SLC39A12: variants seen among roughly 807,000 people sequenced by gnomAD.
SLC39A12 encodes zinc transporter ZIP12.
A neutral mutation model predicts 71.1 loss-of-function variants in SLC39A12; 63 were observed. The observed-to-expected ratio is 0.89, with a 90% confidence interval of 0.72 to 1.09. The LOEUF (loss-of-function observed/expected upper bound fraction) is 1.09, where lower values mean the gene tolerates loss of function less well. Ranked by LOEUF, SLC39A12 falls within the 50% of genes least tolerant of loss-of-function variation. SLC39A12 has a pLI of 0.00. For synonymous variants in SLC39A12, 351 were observed against 301.3 expected (o/e 1.16, Z -1.71); for missense variants, 892 against 812.6 (o/e 1.10, Z -1.19).
chr10:18,036,771 TATATATATATATATATATA>T (rs1266489755), intron 12 of SLC39A12, among the ~76,000 whole-genome samples: 11,189 of 46,946 alleles, frequency 0.24, 1,278 homozygotes, highest in Admixed American at 0.28. Flanking sequence ...TATATATATA[TATATATATATATATATATA>T]TATATTTTTT....
chr10:18,010,832 A>G (rs1370588209), intron 12 of SLC39A12, among the ~76,000 whole-genome samples: 1 of 152,166 alleles, frequency 6.6e-6, no homozygotes, highest in Non-Finnish European at 1.5e-5. Flanking sequence ...ACTTATACTC[A>G]GATTTTCTTC....
intron 4 of SLC39A12, among the ~76,000 whole-genome samples, chr10:17,974,556 C>T (rs1835056068): frequency 6.6e-6 from 1 of 152,210 alleles, no homozygotes; most frequent in Non-Finnish European, 1.5e-5. Flanking sequence ...GGACAAGATC[C>T]TGGAGAATTC....
At chr10:17,984,920 A>T (rs183139845) in intron 6 of SLC39A12, among the ~76,000 whole-genome samples, 6 of 152,320 alleles carry the variant, frequency 3.9e-5, no homozygotes, top group African/African-American at 1.4e-4. Context: ...GATGCTTAAA[A>T]GTTTTTTGCC....
intron 4 of SLC39A12, among the ~76,000 whole-genome samples, chr10:17,972,577 C>T (rs1835002858): frequency 6.6e-6 from 1 of 152,138 alleles, no homozygotes; most frequent in African/African-American, 2.4e-5. Context: ...ACACTTTTAT[C>T]ATTATATAGT....
chr10:18,000,060 C>T (rs1424253178), intron 10 of SLC39A12, among the ~76,000 whole-genome samples: 1 of 152,174 alleles, frequency 6.6e-6, no homozygotes, highest in Admixed American at 6.5e-5. Context: ...AGTTCTTTCT[C>T]ATGGTCCTGG....
intron 4 of SLC39A12, 27 bp downstream of exon 4, chr10:17,965,717 T>A (rs1434732261): frequency 9.6e-6 from 15 of 1,569,426 alleles, no homozygotes; most frequent in Non-Finnish European, 1.3e-5. Context: ...GAATTTAACT[T>A]CCAAGTCACA....
At chr10:17,964,668 G>A (rs1475688958) in intron 3 of SLC39A12, among the ~76,000 whole-genome samples, 1 of 152,164 alleles carries the variant, frequency 6.6e-6, no homozygotes, top group Non-Finnish European at 1.5e-5. Context: ...AAAGAACATG[G>A]ACAGTGTACC....
Position 18,035,161 on chromosome 10 carries a change from G to A in SLC39A12, c.1948-7544G>A, listed in dbSNP as rs1318351125. ...TCTTCTCGAGGAGTATCTTTGTGGC[G>A]TTCTCTGTGTTTCCTGAATCTGAAT... is the stretch of plus-strand genomic sequence containing the variant. On this transcript the variant is annotated intron_variant, in intron 12 of 12. Coordinates refer to ENST00000377369, the MANE Select transcript of SLC39A12 (RefSeq NM_001145195.2). Among the ~76,000 whole-genome samples the A allele has an allele frequency of 1.3e-4, 20 of 148,806 alleles. No individual in the cohort carries two copies. In the East Asian group the frequency reaches 1.6e-3, roughly 12 times the overall value.
At chr10:17,977,868 CTA>C (rs771384101) in intron 4 of SLC39A12, 32 bp from the exon 5 acceptor site, 4 of 1,518,934 alleles carry the variant, frequency 2.6e-6, no homozygotes, top group Admixed American at 2.1e-5. Flanking sequence ...CTTATCTATT[CTA>C]TGTGACACCA....
chr10:17,990,809 C>A lies in SLC39A12; in HGVS notation c.1270-342C>A, dbSNP rs998797372. The stretch of plus-strand genomic sequence containing the variant: ...TGTACAAACAGATGCAGATTGGACT[C>A]CTGAAAAACAATTTGGCCGAAGGAC... On this transcript the variant is annotated intron_variant, in intron 7 of 12. Coordinates refer to ENST00000377369, the MANE Select transcript of SLC39A12 (RefSeq NM_001145195.2). Among the ~76,000 whole-genome samples, 3 of 152,242 alleles carry A rather than the reference C, an allele frequency of 2.0e-5. No homozygotes were observed. The South Asian group carries it at 6.2e-4, about 32-fold the overall frequency.
In SLC39A12 at chr10:18,017,334, A is replaced by T. The variant is rs568518990; in HGVS notation, c.1947+13976A>T. On this transcript the variant is annotated intron_variant, in intron 12 of 12. Coordinates refer to ENST00000377369, the MANE Select transcript of SLC39A12 (RefSeq NM_001145195.2). ...AATTAATTTTTTCTTTTTGAGACAGAGTCTCACTTTGTCACCCAGGCTGGG... is the reference window on the plus strand; with the variant it reads ...AATTAATTTTTTCTTTTTGAGACAGTGTCTCACTTTGTCACCCAGGCTGGG... 2.0e-5 allele frequency among the ~76,000 whole-genome samples: 3 copies of T among 152,102 alleles called. 1 individual carries two copies. The South Asian group carries it at 6.2e-4, about 32-fold the overall frequency.
intron 7 of SLC39A12, among the ~76,000 whole-genome samples, chr10:17,989,137 C>G (rs1349835078): frequency 1.3e-5 from 2 of 152,148 alleles, no homozygotes; most frequent in African/African-American, 4.8e-5. Context: ...ATGAGGTGTT[C>G]TCTTCCCTCT....
At chr10:18,017,955 A>G (rs543093517) in intron 12 of SLC39A12, among the ~76,000 whole-genome samples, 1 of 152,182 alleles carries the variant, frequency 6.6e-6, no homozygotes, top group Non-Finnish European at 1.5e-5. Flanking sequence ...ATTGAATTGA[A>G]TCTATACATC....
At chr10:18,013,560 T>C (rs76142299) in intron 12 of SLC39A12, among the ~76,000 whole-genome samples, 1 of 152,102 alleles carries the variant, frequency 6.6e-6, no homozygotes, top group East Asian at 1.9e-4. Context: ...TTTGTACATA[T>C]GGCATGTCAC....
At position 17,984,045 on chromosome 10, in the gene SLC39A12, C is replaced by T. The variant is rs569319617; in HGVS notation, c.1096+2562C>T. Among the ~76,000 whole-genome samples, 4 of 152,284 alleles carry T rather than the reference C, an allele frequency of 2.6e-5. No homozygotes were observed. The East Asian group carries it at 5.8e-4, about 22-fold the overall frequency. On this transcript the variant is annotated intron_variant, in intron 6 of 12. Coordinates refer to ENST00000377369, the MANE Select transcript of SLC39A12 (RefSeq NM_001145195.2). ...GCCATGTACAAATTAAGTTTCAGACCTATTCAGAGTAGCTGCTCAGAAGTG... is the reference window on the plus strand; with the variant it reads ...GCCATGTACAAATTAAGTTTCAGACTTATTCAGAGTAGCTGCTCAGAAGTG...
intron 12 of SLC39A12, among the ~76,000 whole-genome samples, chr10:18,025,478 G>A (rs546839116): frequency 5.1e-4 from 78 of 152,122 alleles, no homozygotes; most frequent in Non-Finnish European, 1.0e-3. Flanking sequence ...GTGAGAACAT[G>A]CGGTGTTTGG....
chr10:18,001,923 CT>C (rs1835845200), intron 11 of SLC39A12: 1 of 124,002 alleles, frequency 8.1e-6, no homozygotes, highest in African/African-American at 3.0e-5. Flanking sequence ...CTTATTCATT[CT>C]ATTTTTTTTT....
chr10:17,977,566 T>G (rs1319945646), intron 4 of SLC39A12, among the ~76,000 whole-genome samples: 1 of 152,226 alleles, frequency 6.6e-6, no homozygotes, highest in Non-Finnish European at 1.5e-5. Context: ...CTTTCACGGC[T>G]TTTCTTTCTT....
Position 18,042,868 on chromosome 10 carries a change from A to T in SLC39A12, c.*35A>T, listed in dbSNP as rs1243803685. The T allele has an allele frequency of 6.4e-7, 1 of 1,573,894 alleles. No homozygotes were observed. The highest frequency in any genetic ancestry group is 1.4e-5 in the African/African-American group (1 of 73,082). ...TTCAACATCTTTCAAAAATGCATTT[A>T]TATAGTCTTACTTTGTTTCTTTCAT... On this transcript the variant is annotated 3_prime_UTR_variant, in exon 13 of 13. Coordinates refer to ENST00000377369, the MANE Select transcript of SLC39A12 (RefSeq NM_001145195.2).
Sources: gnomAD v4.1 joint callset for allele counts (sites outside exome capture counted in the v4.1 genomes callset) on GRCh38, gnomAD v4.1.1 for gene constraint, MANE v1.5 for transcripts, NCBI Gene and HGNC (gene_info 2026-07-23, HGNC 2026-07-21) for gene names.